The following CEMIP2 variants were observed in gnomAD, a reference collection of about 807,000 sequenced individuals.
CEMIP2 encodes cell surface hyaluronidase CEMIP2.
In CEMIP2, 79 loss-of-function variants were observed where a neutral mutation model predicts 146.9. The ratio of observed to expected loss-of-function variants is 0.54; its 90% CI spans 0.45 to 0.65. CEMIP2 has a LOEUF of 0.65. Ranked by LOEUF, CEMIP2 falls within the 30% of genes least tolerant of loss-of-function variation. CEMIP2 has a pLI of 0.00. For synonymous variants in CEMIP2, 601 were observed against 606.3 expected, an observed-to-expected ratio of 0.99 and a Z score of 0.13; for missense variants, 1,596 against 1,696.2, an observed-to-expected ratio of 0.94 and a Z score of 1.04.
rs762246512 is a variant in CEMIP2 at position 71,730,097 on chromosome 9, G to A, written c.1930C>T (p.Arg644Ter). 1.2e-6 allele frequency: 2 copies of A among 1,614,084 alleles called. No homozygotes were observed. Among genetic ancestry groups the A allele is most frequent in the Non-Finnish European group, 1.7e-6 (2 of 1,180,030 alleles). The change falls in exon 9 of 24, where the codon CGA (arginine) becomes TGA (stop). Residue 644 changes from arginine (R) to a stop codon, truncating the protein, a stop_gained. Transcript: ENST00000377044. LOFTEE classifies it high-confidence loss of function. The part of the protein sequence containing the change: ...DRNNSMCTTM[R>*]DKVFGNYIPV... ...ATGTAATTTCCAAACACTTTATCTC[G>A]CATGGTGGTACACATGGAGTTGTTC... is the stretch of plus-strand genomic sequence containing the variant.
At chr9:71,734,245 G>A (rs563648989) in intron 6 of CEMIP2, among the ~76,000 whole-genome samples, 37 of 148,908 alleles carry the variant, frequency 2.5e-4, no homozygotes, top group African/African-American at 6.6e-4. Context: ...ATAGGCACTC[G>A]AAAACCATAG....
At chr9:71,744,268 G>A (rs987050814) in intron 4 of CEMIP2, among the ~76,000 whole-genome samples, 3 of 152,134 alleles carry the variant, frequency 2.0e-5, no homozygotes, top group Non-Finnish European at 2.9e-5. Flanking sequence ...TCAGCTACTT[G>A]GGAGGCTGAG....
At chr9:71,769,151 C>T (rs1309578699), upstream of CEMIP2, among the ~76,000 whole-genome samples, 3 of 152,182 alleles carry the variant, frequency 2.0e-5, no homozygotes, top group South Asian at 2.1e-4. Context: ...CGCGCACACC[C>T]GCCTGGCCGA....
In CEMIP2 at chr9:71,689,622, C is replaced by A. The variant is rs140536699; in HGVS notation, c.3851+470G>T. On this transcript the variant is annotated intron_variant, in intron 22 of 23. Coordinates refer to ENST00000377044, the MANE Select transcript of CEMIP2 (RefSeq NM_013390.3). ...GACTTCCTGTATCACAATCATAGTG[C>A]AATGCTGTCCAAGACCGTCAGTGCG... Among the ~76,000 whole-genome samples, 5 of 152,252 alleles carry A rather than the reference C, an allele frequency of 3.3e-5. No homozygotes were observed. The East Asian group carries it at 9.7e-4, about 29-fold the overall frequency.
chr9:71,723,355 T>TA (rs34835433), intron 11 of CEMIP2, among the ~76,000 whole-genome samples: 134 of 144,606 alleles, frequency 9.3e-4, no homozygotes, highest in African/African-American at 2.2e-3. Flanking sequence ...AAAGAGAATT[T>TA]AAAAAAAAAA....
In CEMIP2 at chr9:71,745,314, G is replaced by A; in HGVS notation, c.738C>T (p.Thr246=). The A allele has an allele frequency of 6.2e-7, 1 of 1,613,500 alleles. No individual in the cohort carries two copies. Among genetic ancestry groups the A allele is most frequent in the Non-Finnish European group, 8.5e-7 (1 of 1,179,532 alleles). ...RKASWTLLAR[T]LNSSGLPFGS... ...CAAAGGGCAAGCCTGAGGAATTCAG[G>A]GTCCTTGCCAACAACGTCCACGATG... The change falls in exon 4 of 24, where the codon ACC becomes ACT. Residue 246 remains threonine, a synonymous_variant. Transcript: ENST00000377044.
chr9:71,744,584 C>T (rs1824019709), intron 4 of CEMIP2, among the ~76,000 whole-genome samples: 2 of 152,188 alleles, frequency 1.3e-5, no homozygotes, highest in Admixed American at 6.5e-5. Context: ...GCATATTCTA[C>T]CCCCTCAGCC....
chr9:71,703,745 T>C (rs1822642876), intron 18 of CEMIP2, among the ~76,000 whole-genome samples: 1 of 152,178 alleles, frequency 6.6e-6, no homozygotes, highest in Non-Finnish European at 1.5e-5. Context: ...ACACACTCTA[T>C]GTCCCCATCA....
At chr9:71,743,454 C>T (rs1369286251) in intron 4 of CEMIP2, among the ~76,000 whole-genome samples, 1 of 152,072 alleles carries the variant, frequency 6.6e-6, no homozygotes, top group Non-Finnish European at 1.5e-5. Flanking sequence ...AAAAAAAAAC[C>T]CTTTGAGGTT....
Position 71,750,028 on chromosome 9 carries a change from T to C in CEMIP2, c.331+15A>G. Reference sequence around the variant, plus strand: ...TCTTCTAGAATATGTTCTATGTGCATATACACACACTTACCATCTGGAGCA... The same window carrying C: ...TCTTCTAGAATATGTTCTATGTGCACATACACACACTTACCATCTGGAGCA... On this transcript the variant is annotated intron_variant, in intron 2 of 23. Coordinates refer to ENST00000377044, the MANE Select transcript of CEMIP2 (RefSeq NM_013390.3). 1.9e-6 allele frequency: 3 copies of C among 1,578,294 alleles called. No homozygotes were observed. Among genetic ancestry groups the C allele is most frequent in the Non-Finnish European group, 1.7e-6 (2 of 1,162,384 alleles).
At chr9:71,700,849 T>A (rs1822539307) in intron 18 of CEMIP2, 25 bp from the exon 19 acceptor site, 2 of 1,587,140 alleles carry the variant, frequency 1.3e-6, no homozygotes, top group Non-Finnish European at 8.6e-7. Context: ...CATAAAAAAA[T>A]TAGTTTACAC....
rs1302829576 is a variant in CEMIP2, at chr9:71,684,142, C to T, written c.*1055G>A. The T allele has an allele frequency of 2.0e-5, 3 of 152,230 alleles. No individual in the cohort carries two copies. Among genetic ancestry groups the T allele is most frequent in the Non-Finnish European group, 4.4e-5 (3 of 68,062 alleles). 9.4% of individuals were successfully genotyped at this position (152,230 alleles called of 1,614,324 possible). A position where few individuals can be genotyped will look rare whatever the true frequency, so the allele number is the denominator to read the frequency against. On this transcript the variant is annotated 3_prime_UTR_variant, in exon 24 of 24. Transcript: ENST00000377044. ...AAAGAGGTTCATTTCTGAGTATTCT[C>T]TCCACGATTCTGACCCTAGAAAGCG...
Position 71,725,618 on chromosome 9 carries a change from C to G in CEMIP2, c.2141G>C (p.Gly714Ala). 3.7e-6 allele frequency: 6 copies of G among 1,613,846 alleles called. No individual in the cohort carries two copies. The highest frequency in any genetic ancestry group is 5.1e-6 in the Non-Finnish European group (6 of 1,179,846). ...ATGGACCCTGTTGTTATAAAATATA[C>G]CCAATGGAGTGAGTTCTGGTTTTGC... Reference protein sequence around the residue: ...LLAKPELTPLGIFYNNRVHSN... With the variant: ...LLAKPELTPLAIFYNNRVHSN... Residue 714 changes from glycine to alanine, a missense_variant, in exon 11 of 24, where the codon GGT becomes GCT. Gly to Ala is a moderately conservative substitution (Grantham distance 60). Transcript: ENST00000377044.
In CEMIP2 at chr9:71,762,503, C is replaced by CAAAAAAAA. The variant is rs58090104; in HGVS notation, c.-13+5846_-13+5853dup. Among the ~76,000 whole-genome samples, 454 of 79,662 alleles carry CAAAAAAAA rather than the reference C, an allele frequency of 5.7e-3. 31 individuals are homozygous for CAAAAAAAA. Among genetic ancestry groups the CAAAAAAAA allele is most frequent in the African/African-American group, 0.02 (384 of 19,324 alleles). 52.3% of individuals were successfully genotyped at this position (79,662 alleles called of 152,430 possible). On this transcript the variant is annotated intron_variant, in intron 1 of 23. Transcript: ENST00000377044. ...CAAGACCCCATGCCAGCCCCGTCACCAAAAAAAAAAAAAAAAAAAAAAACT... is the reference window on the plus strand; with the variant it reads ...CAAGACCCCATGCCAGCCCCGTCACCAAAAAAAAAAAAAAAAAAAAAAAAAAAAAAACT...
rs183319230 is a variant in CEMIP2, at chr9:71,742,306, T to G, written c.1035-2074A>C. 7.2e-5 allele frequency among the ~76,000 whole-genome samples: 11 copies of G among 152,312 alleles called. No homozygotes were observed. In the East Asian group the frequency reaches 1.9e-3, roughly 27 times the overall value. ...ATAAAGAATGTCTCAATATATTATCTCCTATTTGGAGAAGAAAAGAGAGGA... is the reference window on the plus strand; with the variant it reads ...ATAAAGAATGTCTCAATATATTATCGCCTATTTGGAGAAGAAAAGAGAGGA... On this transcript the variant is annotated intron_variant, in intron 4 of 23. Transcript: ENST00000377044.
intron 6 of CEMIP2, among the ~76,000 whole-genome samples, chr9:71,733,140 T>C (rs1823671820): frequency 6.6e-6 from 1 of 152,234 alleles, no homozygotes; most frequent in South Asian, 2.1e-4. Context: ...TTTATGCTTT[T>C]ACCTGAAAGC....
intron 13 of CEMIP2, among the ~76,000 whole-genome samples, 154 bp from the exon 14 acceptor site, chr9:71,716,706 G>C (rs1823067027): frequency 6.6e-6 from 1 of 152,164 alleles, no homozygotes; most frequent in South Asian, 2.1e-4. Flanking sequence ...ATAACTAGGA[G>C]CACAGAATCT....
At chr9:71,726,225 C>T (rs1002316674) in intron 10 of CEMIP2, among the ~76,000 whole-genome samples, 3 of 152,136 alleles carry the variant, frequency 2.0e-5, no homozygotes, top group Non-Finnish European at 2.9e-5. Context: ...AACCACCACA[C>T]GTATGAATCA....
chr9:71,746,152 AC>A, intron 3 of CEMIP2, 48 bp downstream of exon 3: 1 of 1,587,520 alleles, frequency 6.3e-7, no homozygotes, highest in African/African-American at 1.4e-5. Flanking sequence ...AATATCCCCC[AC>A]ATTAAAGAGC....
Sources: gnomAD v4.1 joint callset for allele counts (sites outside exome capture counted in the v4.1 genomes callset) on GRCh38, gnomAD v4.1.1 for gene constraint, MANE v1.5 for transcripts, NCBI Gene and HGNC (gene_info 2026-07-23, HGNC 2026-07-21) for gene names.